The following LMO7 variants were observed in gnomAD, a reference collection of about 807,000 sequenced individuals.
LMO7 encodes LIM domain 7.
A neutral mutation model predicts 206.5 loss-of-function variants in LMO7; 120 were observed. That is an observed-to-expected ratio of 0.58 (90% CI 0.50 to 0.68). LMO7 has a LOEUF of 0.68. Among genes scored for constraint, LMO7 ranks in the 30% least tolerant of loss-of-function variants. The pLI, the probability that LMO7 is intolerant of heterozygous loss-of-function variation, is 0.00. For synonymous variants in LMO7, 706 were observed against 681.5 expected (o/e 1.04, Z -0.56); for missense variants, 1,959 against 1,957.9 (o/e 1.00, Z -0.01).
At chr13:75,694,663 C>T (rs1236656825) in intron 1 of LMO7, among the ~76,000 whole-genome samples, 2 of 151,974 alleles carry the variant, frequency 1.3e-5, no homozygotes, top group Admixed American at 6.6e-5. Context: ...GGGAGAATGT[C>T]GGTATCATGG....
At chr13:75,757,033 G>T (rs1325100317) in intron 3 of LMO7, among the ~76,000 whole-genome samples, 1 of 152,188 alleles carries the variant, frequency 6.6e-6, no homozygotes, top group Non-Finnish European at 1.5e-5. Flanking sequence ...GCTGATCTGT[G>T]TAACCAACAG....
intron 26 of LMO7, 46 bp downstream of exon 26, chr13:75,845,425 G>T (rs2059911568): frequency 1.8e-6 from 2 of 1,109,608 alleles, no homozygotes; most frequent in South Asian, 1.3e-5. Context: ...TTGCTTATTT[G>T]TGGTATCATG....
At chr13:75,645,306 T>C (rs911196422) in intron 1 of LMO7, among the ~76,000 whole-genome samples, 1 of 152,208 alleles carries the variant, frequency 6.6e-6, no homozygotes, top group Non-Finnish European at 1.5e-5. Flanking sequence ...CTTGACTAGA[T>C]TGAAATTTGA....
chr13:75,711,229 A>C (rs2043088039), intron 1 of LMO7, among the ~76,000 whole-genome samples: 1 of 152,036 alleles, frequency 6.6e-6, no homozygotes, highest in Non-Finnish European at 1.5e-5. Flanking sequence ...TTTTGCATTG[A>C]TGTTCATCAG....
At chr13:75,803,745 C>T (rs180912844) in intron 7 of LMO7, among the ~76,000 whole-genome samples, 66 of 152,228 alleles carry the variant, frequency 4.3e-4, no homozygotes, top group Admixed American at 7.2e-4. Context: ...CTTTAGAAGT[C>T]ATCCAGTCCA....
intron 1 of LMO7, among the ~76,000 whole-genome samples, chr13:75,673,396 CAGGAG>C (rs1038544779): frequency 6.6e-6 from 1 of 152,118 alleles, no homozygotes; most frequent in Non-Finnish European, 1.5e-5. Context: ...GTGTATCTTC[CAGGAG>C]AGCTATTGCC....
intron 25 of LMO7, 140 bp from the exon 26 acceptor site, chr13:75,845,187 G>T: frequency 4.3e-6 from 2 of 466,420 alleles, no homozygotes; most frequent in Admixed American, 4.3e-5. Flanking sequence ...AAATTTCTTG[G>T]TTTAAACATA....
chr13:75,846,806 G>A (rs932917799), intron 26 of LMO7, among the ~76,000 whole-genome samples: 9 of 152,148 alleles, frequency 5.9e-5, no homozygotes, highest in African/African-American at 2.2e-4. Context: ...AAGAGGCCAG[G>A]CACGGTGGCT....
rs138239913 is a variant in LMO7 at position 75,722,731 on chromosome 13, G to A, written c.141-4298G>A. Among the ~76,000 whole-genome samples, 758 of 152,222 alleles carry A rather than the reference G, an allele frequency of 5.0e-3. 8 individuals are homozygous for A. The highest frequency in any genetic ancestry group is 0.017 in the African/African-American group (710 of 41,524). On this transcript the variant is annotated intron_variant, in intron 2 of 30. Transcript: ENST00000377534. ...CTTGCACACCCATGTTTATAGCAGCGCAATTTGCACTTGCAAGAATATGGA... is the reference window on the plus strand; with the variant it reads ...CTTGCACACCCATGTTTATAGCAGCACAATTTGCACTTGCAAGAATATGGA...
At chr13:75,643,450 G>A (rs528076236) in intron 1 of LMO7, among the ~76,000 whole-genome samples, 1 of 152,304 alleles carries the variant, frequency 6.6e-6, no homozygotes, top group South Asian at 2.1e-4. Context: ...CAGAGTTCCT[G>A]ACAGAATGTT....
At chr13:75,809,524 T>A (rs1310782595) in intron 11 of LMO7, among the ~76,000 whole-genome samples, 1 of 152,202 alleles carries the variant, frequency 6.6e-6, no homozygotes, top group African/African-American at 2.4e-5. Flanking sequence ...AGACTAAAAT[T>A]CTGATTTATG....
chr13:75,701,498 G>T (rs2042284866), intron 1 of LMO7, among the ~76,000 whole-genome samples: 1 of 152,158 alleles, frequency 6.6e-6, no homozygotes, highest in African/African-American at 2.4e-5. Flanking sequence ...TAATGTGTGT[G>T]TGAAACATTT....
At chr13:75,721,017 G>T (rs2043977222) in intron 2 of LMO7, among the ~76,000 whole-genome samples, 1 of 152,064 alleles carries the variant, frequency 6.6e-6, no homozygotes, top group Non-Finnish European at 1.5e-5. Context: ...TTAAATAAAA[G>T]TTATTAATTT....
chr13:75,679,535 T>C (rs1286536516), intron 1 of LMO7, among the ~76,000 whole-genome samples: 3 of 152,220 alleles, frequency 2.0e-5, no homozygotes, highest in Admixed American at 6.5e-5. Context: ...TGCAGATTCC[T>C]GGCTCCTACC....
At chr13:75,699,991 CT>C (rs2137885593) in intron 1 of LMO7, among the ~76,000 whole-genome samples, 1 of 152,336 alleles carries the variant, frequency 6.6e-6, no homozygotes, top group Non-Finnish European at 1.5e-5. Context: ...AGGGCTGTTC[CT>C]TGCTGAGAAA....
Position 75,807,976 on chromosome 13 carries a change from T to A in LMO7, c.1693T>A (p.Cys565Ser). The change falls in exon 10 of 31, where the codon TGC becomes AGC. Residue 565 changes from cysteine to serine, a missense_variant. By Grantham distance (112) the Cys-to-Ser change is moderately radical (BLOSUM62 -1). Coordinates refer to ENST00000377534, the MANE Select transcript of LMO7 (RefSeq NM_001306080.2). ...AKFLCVLERTCPSKEKSNSCR... is the reference protein window; with the variant it reads ...AKFLCVLERTSPSKEKSNSCR... ...ATTTCTCTGTGTACTTGAAAGGACATGCCCATCCAAAGAAAAAAGTAATAG... is the reference window on the plus strand; with the variant it reads ...ATTTCTCTGTGTACTTGAAAGGACAAGCCCATCCAAAGAAAAAAGTAATAG... The A allele has an allele frequency of 6.2e-7, 1 of 1,613,972 alleles. No individual in the cohort carries two copies. Among genetic ancestry groups the A allele is most frequent in the Non-Finnish European group, 8.5e-7 (1 of 1,179,866 alleles).
intron 8 of LMO7, chr13:75,804,956 C>T (rs1361620078): frequency 8.0e-6 from 8 of 1,001,742 alleles, no homozygotes; most frequent in Non-Finnish European, 9.5e-6. Context: ...GGGAGGCGTA[C>T]GGTTTTGAAA....
intron 8 of LMO7, 111 bp downstream of exon 8, chr13:75,804,652 G>A: frequency 2.3e-6 from 3 of 1,290,980 alleles, no homozygotes; most frequent in Non-Finnish European, 3.2e-6. Context: ...CATATATTAA[G>A]CTTGACTAGT....
chr13:75,633,997 A>ATTT (rs3036384), upstream of LMO7, among the ~76,000 whole-genome samples: 2 of 141,178 alleles, frequency 1.4e-5, no homozygotes, highest in African/African-American at 5.3e-5. Context: ...CGTCCAGCTA[A>ATTT]TTTTTTTTTT....
Sources: gnomAD v4.1 joint callset for allele counts (sites outside exome capture counted in the v4.1 genomes callset) on GRCh38, gnomAD v4.1.1 for gene constraint, MANE v1.5 for transcripts, NCBI Gene and HGNC (gene_info 2026-07-23, HGNC 2026-07-21) for gene names.